RMDN2: variants seen among roughly 807,000 people sequenced by gnomAD.
RMDN2 encodes the protein regulator of microtubule dynamics 2, also known as regulator of microtubule dynamics protein 2.
In RMDN2, 61 loss-of-function variants were observed where a neutral mutation model predicts 52.8. The observed-to-expected ratio is 1.16, with a 90% CI of 0.94 to 1.43. The LOEUF (loss-of-function observed/expected upper bound fraction) is 1.43, where lower values mean the gene tolerates loss of function less well. Ranked by LOEUF, RMDN2 falls within the 40% of genes most tolerant of loss-of-function variation. The pLI is 0.00. For missense variants in RMDN2, 592 were observed against 475.3 expected (o/e 1.25, Z -2.28); for synonymous variants, 180 against 153.1 (o/e 1.18, Z -1.30).
chr2:38,025,927 T>C (rs1172036810), intron 10 of RMDN2, among the ~76,000 whole-genome samples: 1 of 152,128 alleles, frequency 6.6e-6, no homozygotes, highest in Non-Finnish European at 1.5e-5. Context: ...TAAAGTCTTT[T>C]TCTGGTTTTG....
chr2:38,039,743 AGGCT>A (rs1163306683), intron 10 of RMDN2, among the ~76,000 whole-genome samples: 1 of 152,216 alleles, frequency 6.6e-6, no homozygotes, highest in African/African-American at 2.4e-5. Context: ...GAAGGGTGCC[AGGCT>A]GGCCCTGCCC....
intron 8 of RMDN2, among the ~76,000 whole-genome samples, chr2:38,000,394 G>C (rs1319733755): frequency 6.6e-6 from 1 of 152,148 alleles, no homozygotes; most frequent in East Asian, 1.9e-4. Flanking sequence ...ACAGTTCAGT[G>C]AAGTTTGACA....
Position 37,929,374 on chromosome 2 carries a change from C to T in RMDN2, c.97C>T (p.Pro33Ser). Residue 33 changes from proline (P) to serine (S), a missense_variant, in exon 2 of 11, where the codon CCA (proline) becomes TCA (serine). By Grantham distance (74) the Pro-to-Ser change is moderately conservative. Transcript: ENST00000354545. ...CTTGTGGTACCACAAGGTCCGTAAA[C>T]CAGGGATAGCAATGAAGTTACCTGA... is the stretch of plus-strand genomic sequence containing the variant. ...LLLWYHKVRK[P>S]GIAMKLPEFL... 1.3e-6 allele frequency: 2 copies of T among 1,551,698 alleles called. No individual in the cohort carries two copies. Among genetic ancestry groups the T allele is most frequent in the South Asian group, 1.2e-5 (1 of 84,052 alleles).
chr2:37,965,048 ACT>A (rs1380702475), intron 2 of RMDN2, among the ~76,000 whole-genome samples: 2 of 150,784 alleles, frequency 1.3e-5, no homozygotes, highest in Non-Finnish European at 3.0e-5. Flanking sequence ...AGCCACTCCC[ACT>A]CTCTTTTGTT....
intron 2 of RMDN2, among the ~76,000 whole-genome samples, chr2:37,944,158 A>G (rs1668026253): frequency 6.6e-6 from 1 of 152,112 alleles, no homozygotes; most frequent in South Asian, 2.1e-4. Flanking sequence ...TTTTAGTTTT[A>G]GTTTTCATAA....
chr2:37,952,332 A>G, intron 2 of RMDN2: 2 of 824,826 alleles, frequency 2.4e-6, no homozygotes, highest in Non-Finnish European at 3.8e-6. Flanking sequence ...TTTTCTGAAG[A>G]AGATTCCTAC....
intron 10 of RMDN2, chr2:38,030,539 A>C (rs1680120866): frequency 6.6e-6 from 1 of 152,256 alleles, no homozygotes; most frequent in Admixed American, 6.5e-5. Context: ...GATCCAGTCC[A>C]TATAGTGAAA....
intron 2 of RMDN2, among the ~76,000 whole-genome samples, chr2:37,960,366 C>T (rs1341853695): frequency 6.6e-6 from 1 of 152,042 alleles, no homozygotes; most frequent in Non-Finnish European, 1.5e-5. Flanking sequence ...ATAGTTAGCT[C>T]TTCTTGTTGC....
intron 5 of RMDN2, among the ~76,000 whole-genome samples, chr2:37,983,561 G>A (rs906268112): frequency 1.3e-5 from 2 of 152,040 alleles, no homozygotes; most frequent in Non-Finnish European, 2.9e-5. Context: ...AGTTGATTAA[G>A]ATTTGAGAAA....
intron 4 of RMDN2, among the ~76,000 whole-genome samples, chr2:37,979,687 G>T (rs1673051796): frequency 6.6e-6 from 1 of 152,042 alleles, no homozygotes; most frequent in Admixed American, 6.5e-5. Flanking sequence ...GTTCTCTAAA[G>T]GAAATAGCTT....
intron 10 of RMDN2, among the ~76,000 whole-genome samples, chr2:38,013,738 A>T (rs1049878850): frequency 2.0e-5 from 3 of 152,228 alleles, no homozygotes; most frequent in African/African-American, 7.2e-5. Context: ...CCTTCCTGTT[A>T]TAGAAATGCT....
At chr2:38,018,143 A>G (rs1181704211), downstream of RMDN2, among the ~76,000 whole-genome samples, 1 of 152,212 alleles carries the variant, frequency 6.6e-6, no homozygotes, top group Non-Finnish European at 1.5e-5. Context: ...ACCTGGACGT[A>G]TAATGCAGGT....
At chr2:37,928,037 C>G (rs1293217021) in intron 1 of RMDN2, among the ~76,000 whole-genome samples, 1 of 152,154 alleles carries the variant, frequency 6.6e-6, no homozygotes. Flanking sequence ...AAGGCTTTCT[C>G]TGGAATCTTT....
At chr2:37,962,654 C>T (rs1670406586) in intron 2 of RMDN2, among the ~76,000 whole-genome samples, 1 of 152,094 alleles carries the variant, frequency 6.6e-6, no homozygotes, top group Non-Finnish European at 1.5e-5. Context: ...CCCTGAGCAA[C>T]AACACCTGAC....
intron 10 of RMDN2, among the ~76,000 whole-genome samples, chr2:38,005,335 C>G (rs573506961): frequency 1.9e-3 from 295 of 152,274 alleles, no homozygotes; most frequent in African/African-American, 6.5e-3. Flanking sequence ...AAAAGTGTTC[C>G]TATTTCTCCA....
At chr2:37,973,978 G>A in intron 2 of RMDN2, 62 bp from the exon 3 acceptor site, 3 of 1,309,904 alleles carry the variant, frequency 2.3e-6, no homozygotes, top group Non-Finnish European at 2.1e-6. Context: ...CATTTTAAAA[G>A]GAATGCTCTG....
At chr2:37,960,938 T>G (rs1311998895) in intron 2 of RMDN2, among the ~76,000 whole-genome samples, 2 of 152,242 alleles carry the variant, frequency 1.3e-5, no homozygotes, top group Non-Finnish European at 2.9e-5. Context: ...TTATTTCTCC[T>G]TCGCTTATGA....
At chr2:38,062,218 T>G (rs1180279331) in intron 10 of RMDN2, among the ~76,000 whole-genome samples, 1 of 152,224 alleles carries the variant, frequency 6.6e-6, no homozygotes, top group East Asian at 1.9e-4. Flanking sequence ...AGGCTATCCT[T>G]TTGTAGTACT....
At chr2:37,942,682 T>A (rs1260762208) in intron 2 of RMDN2, among the ~76,000 whole-genome samples, 1 of 152,160 alleles carries the variant, frequency 6.6e-6, no homozygotes, top group African/African-American at 2.4e-5. Flanking sequence ...GATCAAACTT[T>A]TCATCATTCA....
Sources: gnomAD v4.1 joint callset for allele counts (sites outside exome capture counted in the v4.1 genomes callset) on GRCh38, gnomAD v4.1.1 for gene constraint, MANE v1.5 for transcripts, NCBI Gene and HGNC (gene_info 2026-07-23, HGNC 2026-07-21) for gene names.